Variants in NLGN1 observed in about 807,000 individuals in gnomAD.
The protein encoded by NLGN1 is neuroligin 1.
Under a neutral mutation model 65.5 loss-of-function variants are expected in NLGN1, and 12 were observed. That is an observed-to-expected ratio of 0.18 (90% CI 0.12 to 0.30). The LOEUF (loss-of-function observed/expected upper bound fraction) is 0.30. Among genes scored for constraint, NLGN1 ranks in the 10% least tolerant of loss-of-function variants. The pLI, the probability that NLGN1 is intolerant of heterozygous loss-of-function variation, is 1.00. For synonymous variants in NLGN1, 350 were observed against 359.5 expected, an observed-to-expected ratio of 0.97 and a Z score of 0.30; for missense variants, 750 against 1,007.1, an observed-to-expected ratio of 0.74 and a Z score of 3.46.
At chr3:173,442,536 A>C (rs923988594) in intron 2 of NLGN1, among the ~76,000 whole-genome samples, 3 of 152,214 alleles carry the variant, frequency 2.0e-5, no homozygotes, top group Non-Finnish European at 2.9e-5. Flanking sequence ...CTTTGTTAGC[A>C]TATAAATGAC....
chr3:174,060,920 G>A (rs542571928), intron 4 of NLGN1, among the ~76,000 whole-genome samples: 1 of 151,952 alleles, frequency 6.6e-6, no homozygotes, highest in South Asian at 2.1e-4. Flanking sequence ...TGGGAAATCA[G>A]GTTCTTTTCC....
At chr3:174,181,024 G>A (rs1001125733) in intron 4 of NLGN1, among the ~76,000 whole-genome samples, 11 of 152,164 alleles carry the variant, frequency 7.2e-5, no homozygotes, top group Non-Finnish European at 8.8e-5. Context: ...GCAAAGAGCA[G>A]GGGTAACACT....
intron 3 of NLGN1, among the ~76,000 whole-genome samples, chr3:173,619,330 C>G (rs1753632440): frequency 6.6e-6 from 1 of 152,124 alleles, no homozygotes; most frequent in Non-Finnish European, 1.5e-5. Context: ...AATAAAAGAT[C>G]TGTTCCTCTA....
At chr3:174,021,767 C>G (rs1179759164) in intron 4 of NLGN1, among the ~76,000 whole-genome samples, 1 of 152,112 alleles carries the variant, frequency 6.6e-6, no homozygotes, top group Non-Finnish European at 1.5e-5. Context: ...TTGTTATCCT[C>G]TCTTGATTTT....
chr3:173,892,400 T>A (rs1467929200), intron 4 of NLGN1, among the ~76,000 whole-genome samples: 1 of 151,984 alleles, frequency 6.6e-6, no homozygotes, highest in Non-Finnish European at 1.5e-5. Flanking sequence ...TTATTAAGAT[T>A]TTCCTATGTA....
chr3:174,211,002 T>G (rs985624633), intron 4 of NLGN1, among the ~76,000 whole-genome samples: 6 of 152,142 alleles, frequency 3.9e-5, no homozygotes, highest in Non-Finnish European at 7.3e-5. Flanking sequence ...TTACAGCTCT[T>G]AAGGTGGCGC....
At chr3:174,035,904 C>A (rs942348679) in intron 4 of NLGN1, among the ~76,000 whole-genome samples, 5 of 152,100 alleles carry the variant, frequency 3.3e-5, no homozygotes, top group Non-Finnish European at 7.4e-5. Flanking sequence ...GTCCACCCCC[C>A]TCATTCCAAG....
intron 2 of NLGN1, among the ~76,000 whole-genome samples, chr3:173,469,905 G>A (rs896766059): frequency 6.6e-6 from 1 of 151,600 alleles, no homozygotes; most frequent in Non-Finnish European, 1.5e-5. Flanking sequence ...TTCATCTGTT[G>A]TAAACATTTA....
At chr3:173,424,466 G>C (rs994274021) in intron 1 of NLGN1, among the ~76,000 whole-genome samples, 1 of 152,062 alleles carries the variant, frequency 6.6e-6, no homozygotes. Flanking sequence ...TTTAAACTAA[G>C]TTCTAATTTC....
At chr3:173,780,594 T>C (rs896223136) in intron 3 of NLGN1, among the ~76,000 whole-genome samples, 1 of 152,232 alleles carries the variant, frequency 6.6e-6, no homozygotes, top group African/African-American at 2.4e-5. Flanking sequence ...AGTTACTTTA[T>C]TGATGAGGTA....
chr3:173,447,269 A>C (rs910640407), intron 2 of NLGN1, among the ~76,000 whole-genome samples: 4 of 152,210 alleles, frequency 2.6e-5, no homozygotes, highest in Non-Finnish European at 4.4e-5. Flanking sequence ...ATCCAGTTTC[A>C]GCTTTCTATG....
chr3:173,882,385 T>C (rs1008632643), intron 4 of NLGN1, among the ~76,000 whole-genome samples: 1 of 152,208 alleles, frequency 6.6e-6, no homozygotes, highest in Non-Finnish European at 1.5e-5. Flanking sequence ...GACTTCTATT[T>C]AGATATGAAA....
chr3:174,112,982 G>A (rs993015942), intron 4 of NLGN1, among the ~76,000 whole-genome samples: 1 of 151,630 alleles, frequency 6.6e-6, no homozygotes, highest in Admixed American at 6.6e-5. Context: ...ATTTTTAATA[G>A]GATATGTATA....
chr3:173,911,546 A>G (rs1450482515), intron 4 of NLGN1, among the ~76,000 whole-genome samples: 1 of 152,218 alleles, frequency 6.6e-6, no homozygotes, highest in African/African-American at 2.4e-5. Flanking sequence ...GGAGAATATC[A>G]AAACGACACC....
chr3:173,421,735 G>T (rs1052340420), intron 1 of NLGN1, among the ~76,000 whole-genome samples: 3 of 151,784 alleles, frequency 2.0e-5, no homozygotes, highest in African/African-American at 7.3e-5. Flanking sequence ...GCCTCAGGCT[G>T]GTCTTAAACT....
intron 4 of NLGN1, among the ~76,000 whole-genome samples, chr3:174,123,874 T>C (rs1049711258): frequency 1.3e-5 from 2 of 152,128 alleles, no homozygotes; most frequent in African/African-American, 4.8e-5. Context: ...TCCAGATACG[T>C]TGATGCATTT....
chr3:174,238,677 G>T lies in NLGN1; in HGVS notation c.647-36638G>T, dbSNP rs1308880643. On this transcript the variant is annotated intron_variant, in intron 4 of 6. Coordinates refer to ENST00000457714, the Ensembl canonical transcript of NLGN1. The stretch of plus-strand genomic sequence containing the variant: ...GCCCAGCCTATGAAGTACTTCTTAT[G>T]TTTTTTTCTCCCTCTTACAGTTTCC... Among the ~76,000 whole-genome samples, 3 of 152,166 alleles carry T rather than the reference G, an allele frequency of 2.0e-5. No individual in the cohort carries two copies. The East Asian group carries it at 5.8e-4, about 29-fold the overall frequency.
chr3:174,015,861 C>T (rs997695090), intron 4 of NLGN1, among the ~76,000 whole-genome samples: 2 of 151,976 alleles, frequency 1.3e-5, no homozygotes, highest in Non-Finnish European at 2.9e-5. Context: ...GAAAAATGCT[C>T]ATGCAGAATG....
rs148420799 is a variant in NLGN1, at chr3:174,015,351, G to A, written c.646+207519G>A. Among the ~76,000 whole-genome samples the A allele has an allele frequency of 6.8e-3, 1,029 of 152,202 alleles. 17 individuals carry two copies. The highest frequency in any genetic ancestry group is 0.035 in the South Asian group (167 of 4,820). On this transcript the variant is annotated intron_variant, in intron 4 of 6. Coordinates refer to ENST00000457714, the Ensembl canonical transcript of NLGN1. ...CTGAGGTCAGAGAGGCAGAATGGTC[G>A]GGTTCTGGTGAGGCCTCTCTTTCCG...
Sources: gnomAD v4.1 joint callset for allele counts (sites outside exome capture counted in the v4.1 genomes callset) on GRCh38, gnomAD v4.1.1 for gene constraint, MANE v1.5 for transcripts, NCBI Gene and HGNC (gene_info 2026-07-23, HGNC 2026-07-21) for gene names.